RTKN2: variants seen among roughly 807,000 people sequenced by gnomAD.
RTKN2 encodes rhotekin 2, also known as rhotekin-2.
Under a neutral mutation model 71.5 loss-of-function variants are expected in RTKN2, and 69 were observed. The ratio of observed to expected loss-of-function variants is 0.96; its 90% CI spans 0.79 to 1.18. RTKN2 has a LOEUF of 1.18. Ranked by LOEUF, RTKN2 falls within the 50% of genes most tolerant of loss-of-function variation. The pLI is 0.00. For missense variants in RTKN2, 724 were observed against 719.7 expected (o/e 1.01, Z -0.07); for synonymous variants, 236 against 236.5 (o/e 1.00, Z 0.02).
intron 6 of RTKN2, among the ~76,000 whole-genome samples, chr10:62,229,406 G>A (rs1257967778): frequency 6.6e-6 from 1 of 152,202 alleles, no homozygotes; most frequent in African/African-American, 2.4e-5. Flanking sequence ...TCATGAAACT[G>A]AGAGGTCAAG....
intron 8 of RTKN2, among the ~76,000 whole-genome samples, chr10:62,185,366 C>G (rs1841117319): frequency 1.3e-5 from 2 of 152,040 alleles, no homozygotes; most frequent in Admixed American, 1.3e-4. Flanking sequence ...GCCTGTAATC[C>G]CAGTGCTTTG....
intron 2 of RTKN2, among the ~76,000 whole-genome samples, chr10:62,256,652 G>A (rs748084613): frequency 1.3e-5 from 2 of 152,052 alleles, no homozygotes; most frequent in Non-Finnish European, 2.9e-5. Flanking sequence ...AAAGAAAAAT[G>A]TGTGCATGTA....
In RTKN2 at chr10:62,250,716, G is replaced by A. The variant is rs189137083; in HGVS notation, c.258-4659C>T. Among the ~76,000 whole-genome samples, 101 of 152,144 alleles carry A rather than the reference G, an allele frequency of 6.6e-4. 1 individual carries two copies. Among genetic ancestry groups the A allele is most frequent in the Admixed American group, 1.5e-3 (23 of 15,260 alleles). On this transcript the variant is annotated intron_variant, in intron 2 of 11. Transcript: ENST00000373789. ...ATGATCTCGGCTCACTGCAACCTCCGCCTCCTGGGTTGAAGCAATCCTGCC... is the reference window on the plus strand; with the variant it reads ...ATGATCTCGGCTCACTGCAACCTCCACCTCCTGGGTTGAAGCAATCCTGCC...
intron 2 of RTKN2, among the ~76,000 whole-genome samples, chr10:62,259,829 G>A (rs951686415): frequency 3.3e-5 from 5 of 152,090 alleles, no homozygotes; most frequent in African/African-American, 1.2e-4. Flanking sequence ...TGAGATTACA[G>A]GTGTGAACCA....
intron 2 of RTKN2, among the ~76,000 whole-genome samples, chr10:62,253,960 T>C (rs2133066572): frequency 6.6e-6 from 1 of 152,086 alleles, no homozygotes; most frequent in East Asian, 1.9e-4. Context: ...GAAAAAAAAG[T>C]CAGAATAGTG....
In RTKN2 at chr10:62,201,763, C is replaced by T. The variant is rs557168376; in HGVS notation, c.1187-1902G>A. ...ACTGGAATATAATGCCACATTATTT[C>T]ACGTGTTACTAAAGTCAGAGGTATA... is the stretch of plus-strand genomic sequence containing the variant. On this transcript the variant is annotated intron_variant, in intron 10 of 11. Transcript: ENST00000373789. Among the ~76,000 whole-genome samples the T allele has an allele frequency of 5.3e-5, 8 of 152,244 alleles. No homozygotes were observed. The East Asian group carries it at 9.6e-4, about 18-fold the overall frequency.
chr10:62,257,376 G>C (rs1381075577), intron 2 of RTKN2, among the ~76,000 whole-genome samples: 8 of 152,148 alleles, frequency 5.3e-5, no homozygotes. Flanking sequence ...AGAAGTAAAA[G>C]GAGGTAAATA....
At chr10:62,188,716 C>T (rs1427542480), downstream of RTKN2, among the ~76,000 whole-genome samples, 1 of 151,560 alleles carries the variant, frequency 6.6e-6, no homozygotes, top group Non-Finnish European at 1.5e-5. Context: ...TTCATTCCCA[C>T]TATATTTTCT....
At chr10:62,184,196 AC>A in exon 9 of RTKN2, 2 of 622,360 alleles carry the variant, frequency 3.2e-6, no homozygotes, top group South Asian at 4.2e-5. Flanking sequence ...CAGGTGCCGT[AC>A]TGGGTGCTAG....
chr10:62,267,798 T>C (rs1198329377), intron 1 of RTKN2, among the ~76,000 whole-genome samples: 1 of 152,154 alleles, frequency 6.6e-6, no homozygotes, highest in Non-Finnish European at 1.5e-5. Flanking sequence ...AAAATAGAAG[T>C]GAAGGTCCAG....
Position 62,194,993 on chromosome 10 carries a change from CTATT to C in RTKN2, c.*2911_*2914del. On this transcript the variant is annotated 3_prime_UTR_variant, in exon 12 of 12. Transcript: ENST00000373789. ...TGGCACGCCTGATATTTTTGAAAGA[CTATT>C]TACCTTAGGAGGTGTGCATTTAGAA... 1 of 985,332 alleles carries C rather than the reference CTATT, an allele frequency of 1.0e-6. No individual in the cohort carries two copies. Among genetic ancestry groups the C allele is most frequent in the Non-Finnish European group, 1.2e-6 (1 of 829,870 alleles). The allele number at this position is 985,332 out of a possible 1,614,324, so 61.0% of individuals were successfully genotyped here.
chr10:62,197,428 T>G lies in RTKN2; in HGVS notation c.*480A>C, dbSNP rs1841352617. Reference sequence around the variant, plus strand: ...AGATGAGAGCCAGTGAACCATTAGATGAGAATTCCAGAATGCTAAGAAAAT... The same window carrying G: ...AGATGAGAGCCAGTGAACCATTAGAGGAGAATTCCAGAATGCTAAGAAAAT... On this transcript the variant is annotated 3_prime_UTR_variant, in exon 12 of 12. Transcript: ENST00000373789. The G allele has an allele frequency of 2.0e-6, 2 of 986,666 alleles. No homozygotes were observed. Among genetic ancestry groups the G allele is most frequent in the Non-Finnish European group, 2.4e-6 (2 of 830,624 alleles). The allele number at this position is 986,666 out of a possible 1,614,324, so 61.1% of individuals were successfully genotyped here. A position where few individuals can be genotyped will look rare whatever the true frequency, so the allele number is the denominator to read the frequency against.
intron 7 of RTKN2, among the ~76,000 whole-genome samples, chr10:62,221,304 A>G (rs554503816): frequency 2.1e-4 from 32 of 152,174 alleles, no homozygotes; most frequent in African/African-American, 6.0e-4. Flanking sequence ...CTAAAAAATG[A>G]GAAAAAGGAT....
intron 7 of RTKN2, 129 bp from the exon 8 acceptor site, chr10:62,218,430 T>A (rs1448828634): frequency 1.7e-6 from 1 of 595,194 alleles, no homozygotes; most frequent in Non-Finnish European, 2.9e-6. Context: ...TTAGAATTAG[T>A]TTCATGTAAA....
chr10:62,197,316 T>C lies in RTKN2; in HGVS notation c.*592A>G. 4 of 985,446 alleles carry C rather than the reference T, an allele frequency of 4.1e-6. No individual in the cohort carries two copies. The highest frequency in any genetic ancestry group is 4.8e-6 in the Non-Finnish European group (4 of 829,570). 61.0% of individuals were successfully genotyped at this position (985,446 alleles called of 1,614,324 possible). ...ACAAGTTTGAATAGCACATTACAAA[T>C]TCCCTTTAAAGATGAAGAATTTAAT... On this transcript the variant is annotated 3_prime_UTR_variant, in exon 12 of 12. Coordinates refer to ENST00000373789, the MANE Select transcript of RTKN2 (RefSeq NM_145307.4).
At chr10:62,258,865 G>A (rs1842721425) in intron 2 of RTKN2, among the ~76,000 whole-genome samples, 1 of 152,172 alleles carries the variant, frequency 6.6e-6, no homozygotes, top group Non-Finnish European at 1.5e-5. Context: ...TTTGGACGGA[G>A]TGGGAGATGG....
chr10:62,193,717 C>A lies in RTKN2; in HGVS notation c.*4191G>T, dbSNP rs552803648. 6.1e-6 allele frequency: 6 copies of A among 985,122 alleles called. No homozygotes were observed. In the East Asian group the frequency reaches 3.4e-4, roughly 56 times the overall value. The allele number at this position is 985,122 out of a possible 1,614,324, so 61.0% of individuals were successfully genotyped here. On this transcript the variant is annotated 3_prime_UTR_variant, in exon 12 of 12. Coordinates refer to ENST00000373789, the MANE Select transcript of RTKN2 (RefSeq NM_145307.4). Reference sequence around the variant, plus strand: ...TAGTAGCGACTGAATATCCTACGTACCTAATTTACTGCAGTGGCTTAAGCT... The same window carrying A: ...TAGTAGCGACTGAATATCCTACGTAACTAATTTACTGCAGTGGCTTAAGCT...
intron 1 of RTKN2, 41 bp downstream of exon 1, chr10:62,268,510 G>C: frequency 6.5e-7 from 1 of 1,535,506 alleles, no homozygotes; most frequent in African/African-American, 1.4e-5. Context: ...CAGAACCCCG[G>C]CTCCCTCACC....
At chr10:62,247,031 C>A (rs1212602828) in intron 2 of RTKN2, among the ~76,000 whole-genome samples, 3 of 151,870 alleles carry the variant, frequency 2.0e-5, no homozygotes, top group Non-Finnish European at 4.4e-5. Flanking sequence ...ATTTGGTCAG[C>A]TAATTAACTA....
Sources: gnomAD v4.1 joint callset for allele counts (sites outside exome capture counted in the v4.1 genomes callset) on GRCh38, gnomAD v4.1.1 for gene constraint, MANE v1.5 for transcripts, NCBI Gene and HGNC (gene_info 2026-07-23, HGNC 2026-07-21) for gene names.